Variants in PEPD observed in about 807,000 individuals in gnomAD.
PEPD encodes the protein peptidase D.
In PEPD, 53 loss-of-function variants were observed where a neutral mutation model predicts 60.7. The ratio of observed to expected loss-of-function variants is 0.87; its 90% CI spans 0.70 to 1.10. The LOEUF is 1.10. Ranked by LOEUF, PEPD falls within the 50% of genes least tolerant of loss-of-function variation. PEPD has a pLI of 0.00. For synonymous variants in PEPD, 267 were observed against 284.1 expected (o/e 0.94, Z 0.60); for missense variants, 711 against 711.9 (o/e 1.00, Z 0.01).
At chr19:33,480,113 AATG>A (rs1970287083) in intron 6 of PEPD, among the ~76,000 whole-genome samples, 1 of 152,246 alleles carries the variant, frequency 6.6e-6, no homozygotes, top group African/African-American at 2.4e-5. Context: ...AGCCAGACAG[AATG>A]ATTTTTTAAA....
intron 3 of PEPD, among the ~76,000 whole-genome samples, chr19:33,507,799 C>T (rs1322099601): frequency 1.3e-5 from 2 of 152,176 alleles, no homozygotes; most frequent in Admixed American, 1.3e-4. Context: ...GCCACCACTG[C>T]TCTGTTACAA....
intron 13 of PEPD, 89 bp from the exon 14 acceptor site, chr19:33,388,170 CCA>C: frequency 8.9e-7 from 1 of 1,123,336 alleles, no homozygotes; most frequent in Non-Finnish European, 1.3e-6. Flanking sequence ...AGGGCCGGTG[CCA>C]GTCTCGTGGG....
intron 4 of PEPD, 102 bp from the exon 5 acceptor site, chr19:33,493,439 A>G (rs1446234084): frequency 2.3e-6 from 2 of 871,334 alleles, no homozygotes; most frequent in Non-Finnish European, 3.9e-6. Context: ...TTTATCAAGC[A>G]GATCATTAGA....
intron 9 of PEPD, among the ~76,000 whole-genome samples, chr19:33,434,943 A>G (rs1391421579): frequency 6.6e-6 from 1 of 151,658 alleles, no homozygotes; most frequent in Middle Eastern, 3.2e-3. Flanking sequence ...GCAGGTACAA[A>G]CCCCTGAGGA....
rs533505025 is a variant in PEPD at position 33,420,340 on chromosome 19, T to C, written c.672-6697A>G. On this transcript the variant is annotated intron_variant, in intron 9 of 14. Transcript: ENST00000244137. The stretch of plus-strand genomic sequence containing the variant: ...GAGGTCTTCTCTATCCAATATTTTG[T>C]TGAACATTCTTCCAGGCATTTTTTT... Among the ~76,000 whole-genome samples the C allele has an allele frequency of 1.5e-3, 228 of 148,656 alleles. 1 individual carries two copies. The highest frequency in any genetic ancestry group is 5.3e-3 in the African/African-American group (214 of 40,452).
intron 9 of PEPD, among the ~76,000 whole-genome samples, chr19:33,453,316 A>AAAAAAAAAAAT (rs1428015206): frequency 6.7e-6 from 1 of 149,750 alleles, no homozygotes; most frequent in African/African-American, 2.5e-5. Context: ...ACTGTCATAA[A>AAAAAAAAAAAT]AAAATAAATA....
rs372210606 is a variant in PEPD, at chr19:33,391,385, C to T, written c.1062G>A (p.Met354Ile). Residue 354 changes from methionine to isoleucine, a missense_variant, in exon 13 of 15, where the codon ATG becomes ATA. Transcript: ENST00000244137. ...MGILSGSVDA[M>I]VQAHLGAVFM... Reference sequence around the variant, plus strand: ...ACACGGCCCCCAGGTGAGCCTGGACCATGGCGTCCACGCTGCCGCTCAGGA... The same window carrying T: ...ACACGGCCCCCAGGTGAGCCTGGACTATGGCGTCCACGCTGCCGCTCAGGA... 1.2e-6 allele frequency: 2 copies of T among 1,601,728 alleles called. No individual in the cohort carries two copies. The highest frequency in any genetic ancestry group is 2.7e-5 in the African/African-American group (2 of 74,932).
chr19:33,472,663 G>A (rs557177312), intron 7 of PEPD, among the ~76,000 whole-genome samples: 16 of 152,316 alleles, frequency 1.1e-4, no homozygotes, highest in African/African-American at 3.1e-4. Flanking sequence ...AATTAACTGA[G>A]ATCTAAACAC....
At chr19:33,435,765 T>C (rs990465879) in intron 9 of PEPD, among the ~76,000 whole-genome samples, 7 of 152,218 alleles carry the variant, frequency 4.6e-5, no homozygotes, top group African/African-American at 1.2e-4. Flanking sequence ...CCCAGGGCCA[T>C]GGGCAGAGGC....
intron 11 of PEPD, among the ~76,000 whole-genome samples, chr19:33,405,114 G>A (rs1047294091): frequency 3.3e-5 from 5 of 152,208 alleles, no homozygotes; most frequent in African/African-American, 7.2e-5. Flanking sequence ...TCCAAACAAC[G>A]TGCTGGCGTC....
intron 5 of PEPD, among the ~76,000 whole-genome samples, chr19:33,491,406 C>T (rs930942951): frequency 4.6e-5 from 7 of 152,184 alleles, no homozygotes; most frequent in Non-Finnish European, 8.8e-5. Context: ...GCCAAGATCG[C>T]TCCACTGCAC....
intron 11 of PEPD, among the ~76,000 whole-genome samples, chr19:33,406,775 C>G (rs563071148): frequency 1.4e-4 from 22 of 152,198 alleles, no homozygotes; most frequent in Non-Finnish European, 2.8e-4. Context: ...CATGTGAGGC[C>G]AAGGTGGCTG....
rs140112452 is a variant in PEPD, at chr19:33,399,622, TGGCTGAG to T, written c.967+2092_967+2098del. Among the ~76,000 whole-genome samples, 739 of 151,996 alleles carry T rather than the reference TGGCTGAG, an allele frequency of 4.9e-3. 29 individuals carry two copies. The East Asian group carries it at 0.11, about 22-fold the overall frequency. ...AGTCTGCCTCCTCTGAAAGCGACGG[TGGCTGAG>T]GGCCCCTCTGAAGCACACTTGGGCC... On this transcript the variant is annotated intron_variant, in intron 12 of 14. Transcript: ENST00000244137.
At chr19:33,502,775 T>C (rs1970735024) in intron 3 of PEPD, among the ~76,000 whole-genome samples, 1 of 152,146 alleles carries the variant, frequency 6.6e-6, no homozygotes, top group Non-Finnish European at 1.5e-5. Context: ...CACTAGGCCT[T>C]GAGACTCTGC....
At chr19:33,479,566 C>T (rs1970278565) in intron 6 of PEPD, among the ~76,000 whole-genome samples, 2 of 152,142 alleles carry the variant, frequency 1.3e-5, no homozygotes, top group African/African-American at 4.8e-5. Flanking sequence ...TCCTCTTCCT[C>T]CTCCCACCCT....
rs544528436 is a variant in PEPD at position 33,445,545 on chromosome 19, C to A, written c.671+17450G>T. On this transcript the variant is annotated intron_variant, in intron 9 of 14. Coordinates refer to ENST00000244137, the MANE Select transcript of PEPD (RefSeq NM_000285.4). Reference sequence around the variant, plus strand: ...ACACAGAGGAAAGGCCGCATGAGGACATGGCAAGAAGGCGGCAAGCCCAGG... The same window carrying A: ...ACACAGAGGAAAGGCCGCATGAGGAAATGGCAAGAAGGCGGCAAGCCCAGG... Among the ~76,000 whole-genome samples, 9 of 152,298 alleles carry A rather than the reference C, an allele frequency of 5.9e-5. No individual in the cohort carries two copies. The East Asian group carries it at 1.4e-3, about 23-fold the overall frequency.
chr19:33,510,659 T>C (rs1267464766), intron 3 of PEPD, among the ~76,000 whole-genome samples: 1 of 152,194 alleles, frequency 6.6e-6, no homozygotes. Flanking sequence ...GCCTTGGGAA[T>C]TGCCATGTTG....
At chr19:33,497,274 G>A (rs552105479) in intron 4 of PEPD, among the ~76,000 whole-genome samples, 9 of 152,348 alleles carry the variant, frequency 5.9e-5, no homozygotes, top group African/African-American at 2.2e-4. Flanking sequence ...TGTCCTGCCT[G>A]TAGCAGACTT....
intron 7 of PEPD, among the ~76,000 whole-genome samples, chr19:33,476,067 T>C (rs1373818067): frequency 1.3e-5 from 2 of 152,214 alleles, no homozygotes; most frequent in Non-Finnish European, 2.9e-5. Context: ...GATCTCTCTA[T>C]GTTGCTCAGG....
Sources: gnomAD v4.1 joint callset for allele counts (sites outside exome capture counted in the v4.1 genomes callset) on GRCh38, gnomAD v4.1.1 for gene constraint, MANE v1.5 for transcripts, NCBI Gene and HGNC (gene_info 2026-07-23, HGNC 2026-07-21) for gene names.